The following NCOA2 variants were observed in gnomAD, a reference collection of about 807,000 sequenced individuals.
The protein encoded by NCOA2 is nuclear receptor coactivator 2.
In NCOA2, 21 loss-of-function variants were observed where a neutral mutation model predicts 145.1. That is an observed-to-expected ratio of 0.14 (90% CI 0.10 to 0.21). The LOEUF (loss-of-function observed/expected upper bound fraction) is 0.21. Ranked by LOEUF, NCOA2 falls within the 10% of genes least tolerant of loss-of-function variation. NCOA2 has a pLI of 1.00. For synonymous variants in NCOA2, 619 were observed against 637.5 expected (o/e 0.97, Z 0.44); for missense variants, 1,472 against 1,837.6 (o/e 0.80, Z 3.64).
the NCOA2 span, among the ~76,000 whole-genome samples, chr8:70,434,663 G>A: frequency 3.9e-5 from 6 of 152,032 alleles, no homozygotes; most frequent in Non-Finnish European, 7.4e-5. Context: ...TGACCTTCGG[G>A]GCTCACGTGA....
intron 2 of NCOA2, among the ~76,000 whole-genome samples, chr8:70,235,052 C>T (rs1471962748): frequency 1.3e-5 from 2 of 152,128 alleles, no homozygotes; most frequent in Non-Finnish European, 2.9e-5. Context: ...GGTGAATAGG[C>T]TTTGCTAAAG....
chr8:70,166,934 G>T (rs1164499111), intron 6 of NCOA2, among the ~76,000 whole-genome samples, 180 bp from the exon 7 acceptor site: 3 of 151,776 alleles, frequency 2.0e-5, no homozygotes, highest in African/African-American at 7.3e-5. Flanking sequence ...TTACAACTTG[G>T]GAATATCTTG....
chr8:70,250,513 T>C (rs1024403200), intron 2 of NCOA2, among the ~76,000 whole-genome samples: 14 of 151,272 alleles, frequency 9.3e-5, no homozygotes, highest in Middle Eastern at 3.5e-3. Flanking sequence ...GAGGATGCAG[T>C]GAGCTGAGAT....
intron 1 of NCOA2, among the ~76,000 whole-genome samples, chr8:70,393,320 T>C (rs1813369495): frequency 6.6e-6 from 1 of 152,238 alleles, no homozygotes; most frequent in South Asian, 2.1e-4. Context: ...ATTGCCATTC[T>C]GTTCCACAAT....
chr8:70,307,220 C>CAAAAAAAAAAAAAAAAAAA (rs57161747), intron 1 of NCOA2, among the ~76,000 whole-genome samples: 179 of 71,132 alleles, frequency 2.5e-3, no homozygotes, highest in Non-Finnish European at 3.1e-3. Flanking sequence ...CCTACATAAG[C>CAAAAAAAAAAAAAAAAAAA]AAAAAAAAAA....
the NCOA2 span, among the ~76,000 whole-genome samples, chr8:70,429,226 T>C: frequency 1.3e-5 from 2 of 152,188 alleles, no homozygotes; most frequent in Non-Finnish European, 2.9e-5. Flanking sequence ...TAAAAATATG[T>C]GCATGGGTGC....
intron 2 of NCOA2, among the ~76,000 whole-genome samples, chr8:70,225,912 A>G (rs1820589590): frequency 6.6e-6 from 1 of 152,138 alleles, no homozygotes; most frequent in South Asian, 2.1e-4. Context: ...GTAAAACTGG[A>G]GCAATAATAC....
chr8:70,184,280 A>G (rs1290606032), intron 4 of NCOA2, among the ~76,000 whole-genome samples: 2 of 152,202 alleles, frequency 1.3e-5, no homozygotes, highest in Non-Finnish European at 2.9e-5. Context: ...TCATCTAGGA[A>G]GTTACAACCT....
At chr8:70,334,713 G>A (rs766071110) in intron 1 of NCOA2, among the ~76,000 whole-genome samples, 1 of 152,174 alleles carries the variant, frequency 6.6e-6, no homozygotes, top group Non-Finnish European at 1.5e-5. Flanking sequence ...CTACCTGATA[G>A]ATGTGGTGAG....
At chr8:70,121,480 T>C in intron 21 of NCOA2, 89 bp from the exon 22 acceptor site, 1 of 965,894 alleles carries the variant, frequency 1.0e-6, no homozygotes, top group Non-Finnish European at 1.6e-6. Context: ...CTTCCTCTGT[T>C]TTTAGGGGTG....
chr8:70,262,239 A>ATT (rs1824199659), intron 2 of NCOA2, among the ~76,000 whole-genome samples: 1 of 152,154 alleles, frequency 6.6e-6, no homozygotes, highest in African/African-American at 2.4e-5. Flanking sequence ...AGTATCCCCC[A>ATT]TTTTATAGTA....
chr8:70,355,720 C>T (rs775738912), intron 1 of NCOA2, among the ~76,000 whole-genome samples: 1 of 152,070 alleles, frequency 6.6e-6, no homozygotes, highest in African/African-American at 2.4e-5. Context: ...CTGTTACCTA[C>T]ACACTCCAAA....
intron 3 of NCOA2, among the ~76,000 whole-genome samples, chr8:70,214,667 T>C (rs1187641757): frequency 2.0e-5 from 3 of 152,058 alleles, no homozygotes; most frequent in Non-Finnish European, 4.4e-5. Context: ...TTGTTAACTG[T>C]CCAAGCTGAA....
At chr8:70,115,213 C>T (rs532697364) in intron 22 of NCOA2, among the ~76,000 whole-genome samples, 4 of 152,198 alleles carry the variant, frequency 2.6e-5, no homozygotes, top group African/African-American at 4.8e-5. Context: ...TTCAATGGTA[C>T]GATCTCGGCT....
chr8:70,209,747 C>T (rs1226277959), intron 4 of NCOA2, among the ~76,000 whole-genome samples: 3 of 152,106 alleles, frequency 2.0e-5, no homozygotes, highest in African/African-American at 7.2e-5. Context: ...AGAAGTAATA[C>T]CATTGTACGC....
intron 4 of NCOA2, among the ~76,000 whole-genome samples, chr8:70,185,555 C>T (rs970448343): frequency 3.9e-5 from 6 of 152,106 alleles, no homozygotes; most frequent in African/African-American, 9.7e-5. Flanking sequence ...AACTGTAAGG[C>T]GAGTGCAGGC....
At chr8:70,286,504 T>C (rs1004481170) in intron 2 of NCOA2, among the ~76,000 whole-genome samples, 1 of 152,186 alleles carries the variant, frequency 6.6e-6, no homozygotes, top group African/African-American at 2.4e-5. Flanking sequence ...TACTCAAAGA[T>C]AAAATTTTAA....
intron 2 of NCOA2, among the ~76,000 whole-genome samples, chr8:70,221,048 A>G (rs1820090489): frequency 6.6e-6 from 1 of 152,202 alleles, no homozygotes; most frequent in Admixed American, 6.5e-5. Context: ...ATGAATGTCT[A>G]CTTGAAGAGG....
At chr8:70,237,855 A>ACT (rs894096016) in intron 2 of NCOA2, among the ~76,000 whole-genome samples, 2 of 151,902 alleles carry the variant, frequency 1.3e-5, no homozygotes, top group African/African-American at 2.4e-5. Context: ...AAGAACACAC[A>ACT]CACACACTTG....
Sources: gnomAD v4.1 joint callset for allele counts (sites outside exome capture counted in the v4.1 genomes callset) on GRCh38, gnomAD v4.1.1 for gene constraint, MANE v1.5 for transcripts, NCBI Gene and HGNC (gene_info 2026-07-23, HGNC 2026-07-21) for gene names.